Variants in RAD51B observed in about 807,000 individuals in gnomAD.
The protein encoded by RAD51B is RAD51 paralog B, also known as DNA repair protein RAD51 homolog 2.
Under a neutral mutation model 42.2 loss-of-function variants are expected in RAD51B, and 38 were observed. The observed-to-expected ratio is 0.90, with a 90% CI of 0.70 to 1.18. The LOEUF is 1.18. Ranked by LOEUF, RAD51B falls within the 50% of genes most tolerant of loss-of-function variation. The pLI is 0.00. For synonymous variants in RAD51B, 154 were observed against 145.2 expected (o/e 1.06, Z -0.43); for missense variants, 373 against 400.7 (o/e 0.93, Z 0.59).
intron 8 of RAD51B, among the ~76,000 whole-genome samples, chr14:68,386,087 G>A (rs2083588117): frequency 6.6e-6 from 1 of 152,142 alleles, no homozygotes; most frequent in African/African-American, 2.4e-5. Flanking sequence ...TCTCAAATGT[G>A]ATCTCATCAA....
intron 5 of RAD51B, among the ~76,000 whole-genome samples, chr14:67,881,220 A>C (rs951584697): frequency 6.6e-6 from 1 of 152,162 alleles, no homozygotes; most frequent in Non-Finnish European, 1.5e-5. Context: ...TATGCAGCAC[A>C]TGACTGTGGT....
intron 8 of RAD51B, among the ~76,000 whole-genome samples, chr14:68,303,179 G>T (rs1280953315): frequency 6.6e-6 from 1 of 152,210 alleles, no homozygotes; most frequent in Non-Finnish European, 1.5e-5. Flanking sequence ...CAGGGACATG[G>T]ATGAAGCTGG....
At position 67,821,943 on chromosome 14, in the gene RAD51B, G is replaced by A. The variant is rs8003994; in HGVS notation, c.-2-1599G>A. ...AAATTCCCATGGAGAGAAATGAGGAGGATGTATTTTTGTTTGTGAGAGGTG... is the reference window on the plus strand; with the variant it reads ...AAATTCCCATGGAGAGAAATGAGGAAGATGTATTTTTGTTTGTGAGAGGTG... On this transcript the variant is annotated intron_variant, in intron 1 of 10. Coordinates refer to ENST00000471583, the MANE Select transcript of RAD51B (RefSeq NM_133510.4). Among the ~76,000 whole-genome samples the A allele has an allele frequency of 7.2e-3, 1,089 of 152,136 alleles. 17 individuals carry two copies. Among genetic ancestry groups the A allele is most frequent in the African/African-American group, 0.025 (1,043 of 41,520 alleles).
chr14:67,926,293 A>C (rs370169229), intron 7 of RAD51B, among the ~76,000 whole-genome samples: 81 of 152,270 alleles, frequency 5.3e-4, no homozygotes, highest in South Asian at 3.9e-3. Flanking sequence ...GAAATTTTTT[A>C]CACCAGATAC....
intron 4 of RAD51B, among the ~76,000 whole-genome samples, chr14:67,859,485 A>T (rs2042095190): frequency 6.6e-6 from 1 of 152,220 alleles, no homozygotes; most frequent in South Asian, 2.1e-4. Flanking sequence ...AATTTGATAG[A>T]TGGAATTGTA....
At chr14:68,425,971 T>TCTTTCTTC (rs1288617868) in intron 9 of RAD51B, among the ~76,000 whole-genome samples, 1 of 81,806 alleles carries the variant, frequency 1.2e-5, no homozygotes, top group East Asian at 2.4e-4. Context: ...TTTCTTTCTT[T>TCTTTCTTC]CTTTCTTCCT....
rs529257660 is a variant in RAD51B at position 68,372,730 on chromosome 14, C to T, written c.854-38694C>T. Among the ~76,000 whole-genome samples, 6 of 152,304 alleles carry T rather than the reference C, an allele frequency of 3.9e-5. No individual in the cohort carries two copies. In the South Asian group the frequency reaches 1.2e-3, roughly 32 times the overall value. ...AGTAAAGGTATACTCATAAGCCCAACTTTTTAACTTTCTAGTTACCAGAAC... is the reference window on the plus strand; with the variant it reads ...AGTAAAGGTATACTCATAAGCCCAATTTTTTAACTTTCTAGTTACCAGAAC... On this transcript the variant is annotated intron_variant, in intron 8 of 10. Transcript: ENST00000471583.
At chr14:68,132,068 T>C (rs915801635) in intron 7 of RAD51B, among the ~76,000 whole-genome samples, 1 of 152,224 alleles carries the variant, frequency 6.6e-6, no homozygotes, top group Non-Finnish European at 1.5e-5. Context: ...TCAGTAAACC[T>C]GGCAGTCACA....
chr14:68,498,338 A>G (rs982307181), intron 10 of RAD51B, among the ~76,000 whole-genome samples: 3 of 152,230 alleles, frequency 2.0e-5, no homozygotes, highest in African/African-American at 4.8e-5. Context: ...GACTTCACCC[A>G]TCATCTTGCT....
chr14:68,645,620 A>G (rs1346124709), intron 10 of RAD51B, among the ~76,000 whole-genome samples: 1 of 152,156 alleles, frequency 6.6e-6, no homozygotes, highest in Non-Finnish European at 1.5e-5. Context: ...TCCCACCAAT[A>G]GTGTACAACA....
At position 67,823,530 on chromosome 14, in the gene RAD51B, C is replaced by T. The variant is rs758007856; in HGVS notation, c.-2-12C>T. 2 of 1,608,986 alleles carry T rather than the reference C, an allele frequency of 1.2e-6. No homozygotes were observed. Among genetic ancestry groups the T allele is most frequent in the Non-Finnish European group, 1.7e-6 (2 of 1,177,354 alleles). On this transcript the variant is annotated splice_polypyrimidine_tract_variant and intron_variant, in intron 1 of 10. Transcript: ENST00000471583. ...TTTTTCATGGTTCTTCTTTTCTTTGCTGGATCTGGAGGCATGGGTAGCAAG... is the reference window on the plus strand; with the variant it reads ...TTTTTCATGGTTCTTCTTTTCTTTGTTGGATCTGGAGGCATGGGTAGCAAG...
At chr14:68,242,553 A>G (rs2080412810) in intron 7 of RAD51B, among the ~76,000 whole-genome samples, 1 of 152,188 alleles carries the variant, frequency 6.6e-6, no homozygotes, top group African/African-American at 2.4e-5. Flanking sequence ...CAAACAGAGG[A>G]AGGTAGGGTA....
At chr14:67,968,843 G>A (rs956547171) in intron 7 of RAD51B, among the ~76,000 whole-genome samples, 12 of 152,038 alleles carry the variant, frequency 7.9e-5, no homozygotes, top group East Asian at 1.9e-4. Flanking sequence ...TTAAAGCAAC[G>A]CCCTACTCCA....
At chr14:68,482,895 C>A (rs933022370), downstream of RAD51B, among the ~76,000 whole-genome samples, 1 of 152,164 alleles carries the variant, frequency 6.6e-6, no homozygotes, top group Non-Finnish European at 1.5e-5. Context: ...ATCAAACAGT[C>A]CCCCCAAATC....
chr14:68,183,991 G>A (rs1241735965), intron 7 of RAD51B, among the ~76,000 whole-genome samples: 1 of 151,448 alleles, frequency 6.6e-6, no homozygotes, highest in Non-Finnish European at 1.5e-5. Context: ...ACTCGGGGGG[G>A]GTGAGGCAGG....
At chr14:67,909,802 C>T (rs1312580732) in intron 7 of RAD51B, among the ~76,000 whole-genome samples, 3 of 152,104 alleles carry the variant, frequency 2.0e-5, no homozygotes, top group African/African-American at 7.2e-5. Context: ...AGGCACACAC[C>T]ACACACCTGG....
At chr14:68,229,088 A>G (rs1278296467) in intron 7 of RAD51B, among the ~76,000 whole-genome samples, 2 of 152,238 alleles carry the variant, frequency 1.3e-5, no homozygotes, top group Non-Finnish European at 2.9e-5. Context: ...TCTTTTGCTG[A>G]TGGGCAAAAT....
chr14:68,559,318 G>A (rs1594972769), intron 10 of RAD51B, among the ~76,000 whole-genome samples: 1 of 151,596 alleles, frequency 6.6e-6, no homozygotes, highest in East Asian at 1.9e-4. Context: ...AATATAATCT[G>A]TCATACATAT....
intron 4 of RAD51B, among the ~76,000 whole-genome samples, chr14:67,838,626 G>T (rs1383308973): frequency 1.3e-5 from 2 of 151,898 alleles, no homozygotes; most frequent in African/African-American, 2.4e-5. Context: ...AAAATGTTTT[G>T]TAGAGATGAG....
Sources: allele counts gnomAD v4.1 joint callset (sites outside exome capture counted in the v4.1 genomes callset), GRCh38; gene constraint gnomAD v4.1.1; transcripts MANE v1.5; gene names NCBI Gene and HGNC (gene_info 2026-07-23, HGNC 2026-07-21).